Variants in MACROD2 observed in about 807,000 individuals in gnomAD.
MACROD2 encodes ADP-ribose glycohydrolase MACROD2.
In MACROD2, 36 loss-of-function variants were observed where a neutral mutation model predicts 70.4. The ratio of observed to expected loss-of-function variants is 0.51; its 90% CI spans 0.39 to 0.68. The LOEUF is 0.68. Ranked by LOEUF, MACROD2 falls within the 30% of genes least tolerant of loss-of-function variation. The pLI is 0.00. For missense variants in MACROD2, 496 were observed against 538.4 expected, an observed-to-expected ratio of 0.92 and a Z score of 0.78; for synonymous variants, 172 against 178.8, an observed-to-expected ratio of 0.96 and a Z score of 0.30.
intron 8 of MACROD2, among the ~76,000 whole-genome samples, chr20:15,676,083 T>A (rs965802462): frequency 6.6e-6 from 1 of 152,350 alleles, no homozygotes; most frequent in African/African-American, 2.4e-5. Flanking sequence ...CTGTACTCAC[T>A]CATGAGCTTG....
intron 8 of MACROD2, among the ~76,000 whole-genome samples, chr20:15,853,266 C>G (rs1315410443): frequency 6.6e-6 from 1 of 152,102 alleles, no homozygotes; most frequent in African/African-American, 2.4e-5. Flanking sequence ...ATGTCAGGCC[C>G]TTTGCTGAGG....
At position 16,045,202 on chromosome 20, in the gene MACROD2, C is replaced by T. The variant is rs139314040; in HGVS notation, c.1300+563C>T. On this transcript the variant is annotated intron_variant, in intron 17 of 17. Coordinates refer to ENST00000684519, the MANE Select transcript of MACROD2 (RefSeq NM_001351661.2). ...AGGGAACTCCCAGGAAAATAAAAAG[C>T]CTGGGTTTGTTACGTTGAATGAGCT... 5.0e-4 allele frequency among the ~76,000 whole-genome samples: 76 copies of T among 152,178 alleles called. No homozygotes were observed. In the East Asian group the frequency reaches 0.014, roughly 28 times the overall value.
At chr20:14,767,402 G>C (rs927018461) in intron 5 of MACROD2, among the ~76,000 whole-genome samples, 2 of 151,998 alleles carry the variant, frequency 1.3e-5, no homozygotes, top group Non-Finnish European at 2.9e-5. Context: ...AAGACTGAGA[G>C]AAACTTTAGA....
intron 6 of MACROD2, among the ~76,000 whole-genome samples, chr20:15,429,910 G>A (rs1489474720): frequency 6.6e-6 from 1 of 152,016 alleles, no homozygotes; most frequent in East Asian, 1.9e-4. Context: ...CCTTCAGGTA[G>A]TTTCTCACCC....
intron 5 of MACROD2, among the ~76,000 whole-genome samples, chr20:14,993,698 C>G (rs2122876840): frequency 6.6e-6 from 1 of 152,284 alleles, no homozygotes; most frequent in South Asian, 2.1e-4. Flanking sequence ...ACTAAATGCT[C>G]TAGTCTGTAG....
At chr20:14,863,501 G>A (rs938183426) in intron 5 of MACROD2, among the ~76,000 whole-genome samples, 10 of 152,102 alleles carry the variant, frequency 6.6e-5, no homozygotes, top group African/African-American at 2.4e-4. Flanking sequence ...CACAAATACA[G>A]TTTGACCAAC....
chr20:15,262,151 A>G (rs1391445921), intron 6 of MACROD2, among the ~76,000 whole-genome samples: 2 of 151,880 alleles, frequency 1.3e-5, no homozygotes, highest in African/African-American at 4.8e-5. Context: ...TATTTCTTCT[A>G]TGTAACTATA....
At chr20:15,536,131 T>G (rs144208934) in intron 8 of MACROD2, among the ~76,000 whole-genome samples, 1 of 152,334 alleles carries the variant, frequency 6.6e-6, no homozygotes, top group East Asian at 1.9e-4. Context: ...GCACTTCTGA[T>G]TTCCAGAGGC....
At chr20:14,008,133 A>G (rs2148614528) in intron 2 of MACROD2, among the ~76,000 whole-genome samples, 1 of 152,280 alleles carries the variant, frequency 6.6e-6, no homozygotes, top group African/African-American at 2.4e-5. Flanking sequence ...GTAATCAGGC[A>G]AGAGAATGAG....
intron 7 of MACROD2, among the ~76,000 whole-genome samples, chr20:15,447,184 AT>A (rs2046580060): frequency 6.6e-6 from 1 of 151,982 alleles, no homozygotes; most frequent in Non-Finnish European, 1.5e-5. Flanking sequence ...AAAAATAGGA[AT>A]TGTGGTGAGC....
At chr20:15,769,422 C>A (rs1245815353) in intron 8 of MACROD2, among the ~76,000 whole-genome samples, 1 of 152,232 alleles carries the variant, frequency 6.6e-6, no homozygotes, top group Non-Finnish European at 1.5e-5. Context: ...GCTGGGATTA[C>A]AGGTGTGAGC....
intron 5 of MACROD2, among the ~76,000 whole-genome samples, chr20:14,952,409 C>T (rs2074483187): frequency 6.6e-6 from 1 of 152,112 alleles, no homozygotes; most frequent in African/African-American, 2.4e-5. Context: ...ATGCTGAGAA[C>T]GAGGTCTTGA....
chr20:14,447,976 A>ATTGTG (rs1555792186), intron 3 of MACROD2, among the ~76,000 whole-genome samples: 2 of 143,132 alleles, frequency 1.4e-5, no homozygotes, highest in Non-Finnish European at 3.0e-5. Flanking sequence ...ACCCATGAAA[A>ATTGTG]TGTGTGTGTG....
chr20:15,990,962 A>G (rs1272449884), intron 15 of MACROD2, among the ~76,000 whole-genome samples: 1 of 152,232 alleles, frequency 6.6e-6, no homozygotes, highest in Non-Finnish European at 1.5e-5. Flanking sequence ...ATGGGAGCCA[A>G]TGGTCAGCCA....
intron 5 of MACROD2, among the ~76,000 whole-genome samples, chr20:15,030,350 G>A (rs1242465193): frequency 1.3e-5 from 2 of 152,124 alleles, no homozygotes; most frequent in Non-Finnish European, 2.9e-5. Flanking sequence ...TATAGTCCCA[G>A]GTATTCGGAA....
chr20:15,879,160 C>G (rs2147196959), intron 9 of MACROD2, among the ~76,000 whole-genome samples: 1 of 152,196 alleles, frequency 6.6e-6, no homozygotes, highest in East Asian at 1.9e-4. Context: ...AATAGTATTT[C>G]TATCACTTTG....
chr20:15,747,465 G>C (rs2051201100), intron 8 of MACROD2, among the ~76,000 whole-genome samples: 1 of 152,158 alleles, frequency 6.6e-6, no homozygotes, highest in Non-Finnish European at 1.5e-5. Flanking sequence ...GATGAATGAA[G>C]ATGACTGTGT....
chr20:15,374,307 T>C (rs2045532910), intron 6 of MACROD2, among the ~76,000 whole-genome samples: 1 of 151,924 alleles, frequency 6.6e-6, no homozygotes, highest in Admixed American at 6.6e-5. Flanking sequence ...TATATATACA[T>C]ATGTAATTAC....
At chr20:15,695,602 G>A (rs1416373924) in intron 8 of MACROD2, among the ~76,000 whole-genome samples, 1 of 151,896 alleles carries the variant, frequency 6.6e-6, no homozygotes, top group African/African-American at 2.4e-5. Flanking sequence ...GTAGAGTTGG[G>A]GTTTCACCAT....
Sources: allele counts gnomAD v4.1 joint callset (sites outside exome capture counted in the v4.1 genomes callset), GRCh38; gene constraint gnomAD v4.1.1; transcripts MANE v1.5; gene names NCBI Gene and HGNC (gene_info 2026-07-23, HGNC 2026-07-21).